SLC25A37: variants seen among roughly 807,000 people sequenced by gnomAD.
The protein encoded by SLC25A37 is solute carrier family 25 member 37.
Under a neutral mutation model 31.0 loss-of-function variants are expected in SLC25A37, and 17 were observed. The observed-to-expected ratio is 0.55, with a 90% CI of 0.38 to 0.82. The LOEUF is 0.82. Ranked by LOEUF, SLC25A37 falls within the 40% of genes least tolerant of loss-of-function variation. The pLI is 0.00. For missense variants in SLC25A37, 404 were observed against 465.8 expected (o/e 0.87, Z 1.22); for synonymous variants, 222 against 193.0 (o/e 1.15, Z -1.24).
chr8:23,573,819 C>G lies in SLC25A37; in HGVS notation c.*1964C>G. On this transcript the variant is annotated 3_prime_UTR_variant, in exon 4 of 4. Coordinates refer to ENST00000519973, the MANE Select transcript of SLC25A37 (RefSeq NM_016612.4). ...TCTGGCAGTTAACGCCTTCTCCCTG[C>G]TCTGCCCCCCACTCCCCAAAACCAG... The G allele has an allele frequency of 2.2e-6, 1 of 456,746 alleles. No individual in the cohort carries two copies. The highest frequency in any genetic ancestry group is 4.4e-6 in the Non-Finnish European group (1 of 226,978). The allele number at this position is 456,746 out of a possible 1,614,324, so 28.3% of individuals were successfully genotyped here. A position where few individuals can be genotyped will look rare whatever the true frequency, so the allele number is the denominator to read the frequency against.
intron 1 of SLC25A37, among the ~76,000 whole-genome samples, chr8:23,535,818 A>T (rs1488697879): frequency 1.3e-5 from 2 of 152,136 alleles, no homozygotes; most frequent in East Asian, 3.9e-4. Context: ...TCCCCATATA[A>T]AATCATCAGA....
At chr8:23,556,731 A>T (rs112035777) in intron 1 of SLC25A37, among the ~76,000 whole-genome samples, 1,595 of 152,218 alleles carry the variant, frequency 0.01, 35 homozygotes, top group African/African-American at 0.034. Context: ...CGATTTGGAA[A>T]CTTCAACTTA....
At chr8:23,561,726 C>T (rs1381015842) in intron 1 of SLC25A37, among the ~76,000 whole-genome samples, 1 of 152,172 alleles carries the variant, frequency 6.6e-6, no homozygotes, top group Non-Finnish European at 1.5e-5. Flanking sequence ...TAGATGGTCA[C>T]TTAGTGGTTC....
At chr8:23,544,784 C>T (rs1214183962) in intron 1 of SLC25A37, among the ~76,000 whole-genome samples, 1 of 152,176 alleles carries the variant, frequency 6.6e-6, no homozygotes, top group Non-Finnish European at 1.5e-5. Context: ...ATCTGGGGTT[C>T]TGCTCTGAGC....
intron 1 of SLC25A37, among the ~76,000 whole-genome samples, chr8:23,554,635 AG>A (rs1170385818): frequency 6.6e-6 from 1 of 152,192 alleles, no homozygotes; most frequent in African/African-American, 2.4e-5. Context: ...TTTCTAGAGA[AG>A]GGGTGGAGAC....
intron 1 of SLC25A37, among the ~76,000 whole-genome samples, chr8:23,533,507 G>A (rs910474861): frequency 1.3e-5 from 2 of 152,224 alleles, no homozygotes; most frequent in African/African-American, 4.8e-5. Flanking sequence ...TTAGAGATGA[G>A]TTTTGTCCTG....
chr8:23,568,053 A>C, intron 2 of SLC25A37: 1 of 493,712 alleles, frequency 2.0e-6, no homozygotes, highest in Non-Finnish European at 3.7e-6. Flanking sequence ...TTGCAGGTTT[A>C]GCTTTTTCCC....
At chr8:23,567,153 A>G (rs1563266914) in intron 2 of SLC25A37, 1 of 152,044 alleles carries the variant, frequency 6.6e-6, no homozygotes, top group Non-Finnish European at 1.5e-5. Flanking sequence ...TATTTTGACA[A>G]AATTCATTTT....
At chr8:23,560,280 T>A (rs1007991835) in intron 1 of SLC25A37, among the ~76,000 whole-genome samples, 8 of 151,966 alleles carry the variant, frequency 5.3e-5, no homozygotes, top group Non-Finnish European at 1.0e-4. Context: ...AAAATAAAAA[T>A]AAAAAATAAA....
Position 23,571,678 on chromosome 8 carries a change from G to C in SLC25A37, c.840G>C (p.Ser280=). The part of the protein sequence containing the change: ...LSLANISGRL[S]GMANAFRTVY... Reference sequence around the variant, plus strand: ...TGGCCAACATCAGCGGCCGGCTGTCGGGTATGGCCAATGCCTTCCGGACGG... The same window carrying C: ...TGGCCAACATCAGCGGCCGGCTGTCCGGTATGGCCAATGCCTTCCGGACGG... The change falls in exon 4 of 4, where the codon TCG becomes TCC. Residue 280 remains serine (S), a synonymous_variant. Coordinates refer to ENST00000519973, the MANE Select transcript of SLC25A37 (RefSeq NM_016612.4). 1.2e-6 allele frequency: 2 copies of C among 1,613,958 alleles called. No individual in the cohort carries two copies. The highest frequency in any genetic ancestry group is 1.7e-6 in the Non-Finnish European group (2 of 1,179,898).
chr8:23,536,610 A>G (rs1287664173), intron 1 of SLC25A37, among the ~76,000 whole-genome samples: 1 of 152,092 alleles, frequency 6.6e-6, no homozygotes, highest in Non-Finnish European at 1.5e-5. Context: ...TCTTGGGCCC[A>G]GACTTTCTGG....
intron 2 of SLC25A37, 126 bp downstream of exon 2, chr8:23,566,462 G>C (rs1357859120): frequency 1.2e-5 from 18 of 1,479,030 alleles, no homozygotes; most frequent in Non-Finnish European, 1.5e-5. Flanking sequence ...AAAGAACTCA[G>C]AGTTGTGTGT....
At chr8:23,570,632 C>T (rs1052024195) in intron 3 of SLC25A37, among the ~76,000 whole-genome samples, 1 of 152,194 alleles carries the variant, frequency 6.6e-6, no homozygotes, top group Non-Finnish European at 1.5e-5. Flanking sequence ...CTCAAACTCT[C>T]TCTTTCTCCT....
At chr8:23,542,936 A>T (rs1166129718) in intron 1 of SLC25A37, among the ~76,000 whole-genome samples, 1 of 152,184 alleles carries the variant, frequency 6.6e-6, no homozygotes, top group African/African-American at 2.4e-5. Context: ...ATATAGAGAA[A>T]AAATATTTTT....
chr8:23,540,249 AGC>A (rs779063233), intron 1 of SLC25A37, among the ~76,000 whole-genome samples: 1 of 152,234 alleles, frequency 6.6e-6, no homozygotes, highest in Non-Finnish European at 1.5e-5. Flanking sequence ...CAGAGCTGAA[AGC>A]GAGAGAAGAG....
At chr8:23,548,919 G>A (rs1205423927) in intron 1 of SLC25A37, among the ~76,000 whole-genome samples, 1 of 152,088 alleles carries the variant, frequency 6.6e-6, no homozygotes, top group African/African-American at 2.4e-5. Context: ...CAGCCTTCTC[G>A]GAGCCTCTGT....
At chr8:23,566,400 T>G in intron 2 of SLC25A37, 64 bp downstream of exon 2, 1 of 1,539,990 alleles carries the variant, frequency 6.5e-7, no homozygotes. Context: ...CTCCCCAGGG[T>G]GTTCCTCCCT....
intron 2 of SLC25A37, chr8:23,566,794 A>C (rs1802673525): frequency 1.0e-6 from 1 of 987,600 alleles, no homozygotes; most frequent in Non-Finnish European, 1.2e-6. Context: ...CAACGCCAAG[A>C]TCTAACTAAG....
chr8:23,531,275 T>C (rs1362803518), intron 1 of SLC25A37, among the ~76,000 whole-genome samples: 2 of 152,210 alleles, frequency 1.3e-5, no homozygotes, highest in African/African-American at 2.4e-5. Flanking sequence ...ATGGAAAGGC[T>C]TGGGGGAGAC....
Sources: allele counts gnomAD v4.1 joint callset (sites outside exome capture counted in the v4.1 genomes callset), GRCh38; gene constraint gnomAD v4.1.1; transcripts MANE v1.5; gene names NCBI Gene and HGNC (gene_info 2026-07-23, HGNC 2026-07-21).